Variants in NARS2 observed in about 807,000 individuals in gnomAD.
NARS2 encodes the protein asparaginyl-tRNA synthetase.
A neutral mutation model predicts 62.9 loss-of-function variants in NARS2; 60 were observed. That is an observed-to-expected ratio of 0.95 (90% CI 0.77 to 1.18). The LOEUF is 1.18. NARS2 is among the 50% of genes most tolerant of loss of function. The pLI, the probability that NARS2 is intolerant of heterozygous loss-of-function variation, is 0.00. For missense variants in NARS2, 619 were observed against 576.4 expected (o/e 1.07, Z -0.76); for synonymous variants, 196 against 200.0 (o/e 0.98, Z 0.17).
intron 11 of NARS2, among the ~76,000 whole-genome samples, chr11:78,446,520 GTTC>G (rs1304760176): frequency 6.6e-6 from 1 of 152,082 alleles, no homozygotes; most frequent in African/African-American, 2.4e-5. Context: ...TAAAAATTTT[GTTC>G]TTTTCTTACC....
At chr11:78,538,586 T>A (rs912971620) in intron 5 of NARS2, among the ~76,000 whole-genome samples, 1 of 152,060 alleles carries the variant, frequency 6.6e-6, no homozygotes, top group East Asian at 1.9e-4. Flanking sequence ...GGAAAAATAC[T>A]CCAGGCACAA....
At chr11:78,468,205 C>G (rs1041367778) in intron 10 of NARS2, among the ~76,000 whole-genome samples, 6 of 139,978 alleles carry the variant, frequency 4.3e-5, no homozygotes, top group Non-Finnish European at 7.7e-5. Context: ...TCTTTAAAAG[C>G]AAAACAAACA....
At chr11:78,518,707 T>G (rs1336376272) in intron 6 of NARS2, among the ~76,000 whole-genome samples, 1 of 151,944 alleles carries the variant, frequency 6.6e-6, no homozygotes, top group Non-Finnish European at 1.5e-5. Context: ...TGAGTAGAGA[T>G]GGGATTTCAC....
intron 1 of NARS2, chr11:78,571,720 C>G (rs1394238124): frequency 3.5e-6 from 1 of 284,962 alleles, no homozygotes; most frequent in African/African-American, 2.2e-5. Flanking sequence ...TTCATATAAT[C>G]AATCCTCCCA....
In NARS2 at chr11:78,444,727, C is replaced by CAAA. The variant is rs1391489970; in HGVS notation, c.1165-972_1165-970dup. 6.5e-5 allele frequency among the ~76,000 whole-genome samples: 6 copies of CAAA among 92,416 alleles called. 1 individual carries two copies. Among genetic ancestry groups the CAAA allele is most frequent in the African/African-American group, 2.2e-4 (6 of 27,888 alleles). 60.6% of individuals were successfully genotyped at this position (92,416 alleles called of 152,430 possible). Reference sequence around the variant, plus strand: ...GAGCAAGACTCTGTCTCAAACAAAACAAAAAAAAAAAAAAGGGTGATAAGA... The same window carrying CAAA: ...GAGCAAGACTCTGTCTCAAACAAAACAAAAAAAAAAAAAAAAAGGGTGATAAGA... On this transcript the variant is annotated intron_variant, in intron 11 of 13. Transcript: ENST00000281038.
At position 78,487,836 on chromosome 11, in the gene NARS2, T is replaced by C. The variant is rs112994034; in HGVS notation, c.822+5227A>G. ...AGAACTGTCAAGCCAAAATTCTATA[T>C]CCTGTGGAAGCATCTTTCAGAAATG... On this transcript the variant is annotated intron_variant, in intron 7 of 13. Transcript: ENST00000281038. 2.4e-3 allele frequency among the ~76,000 whole-genome samples: 371 copies of C among 152,260 alleles called. 1 individual carries two copies. The highest frequency in any genetic ancestry group is 8.1e-3 in the African/African-American group (336 of 41,538).
chr11:78,571,421 G>C lies in NARS2; in HGVS notation c.165C>G (p.Ser55=), dbSNP rs143840885. Residue 55 remains serine (S), a synonymous_variant, in exon 2 of 14, where the codon TCC becomes TCG. Transcript: ENST00000281038. ...CATGCAGGAACAAGACTTCCTTCTGGGATCGGACAGAACGAATCCATCCCT... is the reference window on the plus strand; with the variant it reads ...CATGCAGGAACAAGACTTCCTTCTGCGATCGGACAGAACGAATCCATCCCT... The part of the protein sequence containing the change: ...KIQGWIRSVR[S]QKEVLFLHVN... 86 of 1,612,528 alleles carry C rather than the reference G, an allele frequency of 5.3e-5. No homozygotes were observed. Among genetic ancestry groups the C allele is most frequent in the Non-Finnish European group, 4.8e-5 (57 of 1,179,474 alleles).
chr11:78,521,724 A>C (rs1861130967), intron 6 of NARS2, among the ~76,000 whole-genome samples: 1 of 136,272 alleles, frequency 7.3e-6, no homozygotes, highest in Non-Finnish European at 1.5e-5. Flanking sequence ...CGGGAGGCGG[A>C]GCTTGCAGTG....
chr11:78,500,885 GA>G (rs893332681), intron 6 of NARS2, among the ~76,000 whole-genome samples: 50 of 152,240 alleles, frequency 3.3e-4, no homozygotes, highest in Middle Eastern at 6.8e-3. Context: ...TTGAGGGCAG[GA>G]TTTGAGACTA....
intron 11 of NARS2, among the ~76,000 whole-genome samples, chr11:78,464,993 C>T (rs1858556651): frequency 6.6e-6 from 1 of 152,248 alleles, no homozygotes; most frequent in Admixed American, 6.5e-5. Flanking sequence ...CTTGGGTGGT[C>T]AATGGGACTG....
At chr11:78,457,350 G>T (rs753477034) in intron 11 of NARS2, among the ~76,000 whole-genome samples, 4 of 151,978 alleles carry the variant, frequency 2.6e-5, no homozygotes, top group Admixed American at 6.5e-5. Context: ...TTTTTTTCAA[G>T]ACTGCACTGC....
intron 5 of NARS2, among the ~76,000 whole-genome samples, chr11:78,536,786 TA>T (rs767628416): frequency 2.0e-5 from 3 of 152,216 alleles, no homozygotes; most frequent in Non-Finnish European, 4.4e-5. Context: ...AAGTTTGCAG[TA>T]ATGTCCTAGG....
intron 6 of NARS2, among the ~76,000 whole-genome samples, chr11:78,524,661 A>C (rs570957579): frequency 2.0e-5 from 3 of 152,232 alleles, no homozygotes; most frequent in African/African-American, 7.2e-5. Flanking sequence ...AAATGCAATG[A>C]AAACTCACTT....
chr11:78,553,286 C>T (rs1169350740), intron 5 of NARS2, among the ~76,000 whole-genome samples: 1 of 151,786 alleles, frequency 6.6e-6, no homozygotes, highest in Admixed American at 6.6e-5. Context: ...CCTTTGCACC[C>T]CCCCTTTTTT....
intron 9 of NARS2, among the ~76,000 whole-genome samples, chr11:78,475,813 G>A (rs1859070662): frequency 6.6e-6 from 1 of 151,804 alleles, no homozygotes; most frequent in South Asian, 2.1e-4. Flanking sequence ...GTTGGCCAGG[G>A]TGGTCCTGAA....
chr11:78,537,066 G>A (rs1311530537), intron 5 of NARS2, among the ~76,000 whole-genome samples: 1 of 152,166 alleles, frequency 6.6e-6, no homozygotes, highest in Non-Finnish European at 1.5e-5. Context: ...TACAGCCTAG[G>A]TGTGTGGTAG....
chr11:78,567,519 C>A (rs1856785467), intron 3 of NARS2, among the ~76,000 whole-genome samples: 2 of 152,070 alleles, frequency 1.3e-5, no homozygotes, highest in African/African-American at 4.8e-5. Flanking sequence ...CAGTGAAACA[C>A]ACGGCAAATT....
intron 2 of NARS2, 146 bp from the exon 3 acceptor site, chr11:78,568,898 A>ATCTGTCG: frequency 1.7e-6 from 1 of 587,302 alleles, no homozygotes; most frequent in South Asian, 2.9e-5. Flanking sequence ...TCTATGGATA[A>ATCTGTCG]TCTGTCGTAT....
At chr11:78,462,377 G>A (rs34075412) in intron 11 of NARS2, among the ~76,000 whole-genome samples, 3,633 of 152,312 alleles carry the variant, frequency 0.024, 75 homozygotes, top group Non-Finnish European at 0.038. Context: ...AGAAAAAAGA[G>A]AATATAAGAA....
Sources: gnomAD v4.1 joint callset for allele counts (sites outside exome capture counted in the v4.1 genomes callset) on GRCh38, gnomAD v4.1.1 for gene constraint, MANE v1.5 for transcripts, NCBI Gene and HGNC (gene_info 2026-07-23, HGNC 2026-07-21) for gene names.